The following MYO1B variants were observed in gnomAD, a reference collection of about 807,000 sequenced individuals.
MYO1B encodes myosin IB.
In MYO1B, 72 loss-of-function variants were observed where a neutral mutation model predicts 159.7. The observed-to-expected ratio is 0.45, with a 90% CI of 0.37 to 0.55. MYO1B has a LOEUF of 0.55. MYO1B is among the 20% of genes least tolerant of loss of function. The pLI is 0.00. For synonymous variants in MYO1B, 468 were observed against 473.8 expected, an observed-to-expected ratio of 0.99 and a Z score of 0.16; for missense variants, 1,062 against 1,364.8, an observed-to-expected ratio of 0.78 and a Z score of 3.50.
At chr2:191,356,785 A>G (rs985246593) in intron 7 of MYO1B, among the ~76,000 whole-genome samples, 7 of 152,356 alleles carry the variant, frequency 4.6e-5, no homozygotes, top group African/African-American at 1.2e-4. Context: ...CGAACTTTCA[A>G]TTATCTGCCT....
At chr2:191,276,832 C>G in intron 1 of MYO1B, 55 bp from the exon 2 acceptor site, 1 of 1,554,114 alleles carries the variant, frequency 6.4e-7, no homozygotes. Flanking sequence ...GTGCCAAGAA[C>G]CTATTTGAAA....
intron 2 of MYO1B, among the ~76,000 whole-genome samples, chr2:191,291,190 A>G (rs1432616138): frequency 6.6e-6 from 1 of 152,176 alleles, no homozygotes; most frequent in East Asian, 1.9e-4. Context: ...AGGTGGCTAG[A>G]TTGAATGTCC....
At chr2:191,293,411 G>T (rs371380997) in intron 2 of MYO1B, among the ~76,000 whole-genome samples, 17 of 152,156 alleles carry the variant, frequency 1.1e-4, no homozygotes, top group African/African-American at 4.1e-4. Context: ...TGGATCTCAC[G>T]CAAGAAAGAA....
intron 2 of MYO1B, among the ~76,000 whole-genome samples, chr2:191,294,791 T>C (rs993777220): frequency 2.0e-5 from 3 of 151,386 alleles, no homozygotes; most frequent in African/African-American, 7.4e-5. Flanking sequence ...AGGATGAAAG[T>C]GTGTTTATAT....
intron 17 of MYO1B, 27 bp from the exon 18 acceptor site, chr2:191,390,264 AT>A (rs1462640183): frequency 6.3e-7 from 1 of 1,595,454 alleles, no homozygotes; most frequent in South Asian, 1.1e-5. Context: ...GAGGCAGTTT[AT>A]AACCTAAAAT....
intron 7 of MYO1B, among the ~76,000 whole-genome samples, chr2:191,351,669 C>G (rs997460765): frequency 1.3e-5 from 2 of 152,160 alleles, no homozygotes; most frequent in Admixed American, 1.3e-4. Flanking sequence ...GGGGGATCAC[C>G]TGAGCTCATC....
At chr2:191,323,552 A>AG (rs1690862543) in intron 3 of MYO1B, among the ~76,000 whole-genome samples, 1 of 152,186 alleles carries the variant, frequency 6.6e-6, no homozygotes, top group African/African-American at 2.4e-5. Context: ...CCATTTTAAA[A>AG]AATGTGAAAC....
At chr2:191,422,551 A>T (rs1231730511) in intron 30 of MYO1B, among the ~76,000 whole-genome samples, 1 of 152,122 alleles carries the variant, frequency 6.6e-6, no homozygotes, top group Non-Finnish European at 1.5e-5. Flanking sequence ...TTAAATTTTT[A>T]TAATTTTTAT....
intron 4 of MYO1B, among the ~76,000 whole-genome samples, chr2:191,336,177 T>C (rs1192781464): frequency 3.9e-5 from 6 of 152,200 alleles, no homozygotes; most frequent in African/African-American, 1.4e-4. Flanking sequence ...ATTTGGTTTC[T>C]AATTTTACAG....
At chr2:191,397,680 C>T (rs1167777221) in intron 21 of MYO1B, among the ~76,000 whole-genome samples, 1 of 145,938 alleles carries the variant, frequency 6.9e-6, no homozygotes, top group Non-Finnish European at 1.5e-5. Flanking sequence ...CCATTGTCAT[C>T]ATGGCCCATC....
At chr2:191,327,130 G>T (rs1420464993) in intron 3 of MYO1B, among the ~76,000 whole-genome samples, 1 of 152,094 alleles carries the variant, frequency 6.6e-6, no homozygotes, top group Non-Finnish European at 1.5e-5. Context: ...CTACATGAAG[G>T]TCATAGAAGA....
chr2:191,320,614 C>T (rs1690646681), intron 3 of MYO1B, among the ~76,000 whole-genome samples: 1 of 152,064 alleles, frequency 6.6e-6, no homozygotes, highest in Non-Finnish European at 1.5e-5. Context: ...GAAATGGCTA[C>T]AGATTTGGTT....
chr2:191,253,299 A>G (rs1686239712), intron 1 of MYO1B, among the ~76,000 whole-genome samples: 1 of 152,202 alleles, frequency 6.6e-6, no homozygotes, highest in African/African-American at 2.4e-5. Flanking sequence ...TTTCGTAGAT[A>G]ACACTGCTAT....
rs1421362567 is a variant in MYO1B at position 191,402,541 on chromosome 2, T to G, written c.2470-91T>G. 6.9e-6 allele frequency: 7 copies of G among 1,016,076 alleles called. No individual in the cohort carries two copies. In the Admixed American group the frequency reaches 1.4e-4, roughly 21 times the overall value. 62.9% of individuals were successfully genotyped at this position (1,016,076 alleles called of 1,614,324 possible). ...CATTCTGAAATCCTTATTCATAAAT[T>G]GGCTCTTCTGTTTGGTGGGATATCT... is the stretch of plus-strand genomic sequence containing the variant. On this transcript the variant is annotated intron_variant, in intron 23 of 30. Coordinates refer to ENST00000392318, the MANE Select transcript of MYO1B (RefSeq NM_001130158.3).
intron 4 of MYO1B, among the ~76,000 whole-genome samples, chr2:191,341,059 T>C (rs1454719903): frequency 1.3e-5 from 2 of 152,144 alleles, no homozygotes; most frequent in Non-Finnish European, 2.9e-5. Context: ...TTGGAACATA[T>C]CTTTGAAGAA....
At chr2:191,315,324 T>C (rs187477559) in intron 3 of MYO1B, among the ~76,000 whole-genome samples, 11 of 152,326 alleles carry the variant, frequency 7.2e-5, no homozygotes, top group Middle Eastern at 6.8e-3. Flanking sequence ...TCAATGTGAA[T>C]TAATTGTTAT....
intron 15 of MYO1B, among the ~76,000 whole-genome samples, chr2:191,383,899 A>G (rs1695247303): frequency 6.7e-6 from 1 of 150,368 alleles, no homozygotes; most frequent in African/African-American, 2.5e-5. Flanking sequence ...TATTATATTA[A>G]GTTTAAGTGA....
chr2:191,324,977 AACGTAGTGCC>A (rs1183824051), intron 3 of MYO1B, among the ~76,000 whole-genome samples: 7 of 152,172 alleles, frequency 4.6e-5, no homozygotes, highest in Non-Finnish European at 1.0e-4. Context: ...AAGGAAGGCC[AACGTAGTGCC>A]TCTCCTTAAG....
intron 7 of MYO1B, among the ~76,000 whole-genome samples, chr2:191,359,283 T>C (rs1026362499): frequency 4.6e-5 from 7 of 150,596 alleles, no homozygotes; most frequent in Non-Finnish European, 1.0e-4. Flanking sequence ...CCCTAAGTTA[T>C]ATCCCACTTG....
Sources: gnomAD v4.1 joint callset for allele counts (sites outside exome capture counted in the v4.1 genomes callset) on GRCh38, gnomAD v4.1.1 for gene constraint, MANE v1.5 for transcripts, NCBI Gene and HGNC (gene_info 2026-07-23, HGNC 2026-07-21) for gene names.